Variants in VIPR1 observed in about 807,000 individuals in gnomAD.
The protein encoded by VIPR1 is vasoactive intestinal peptide receptor 1, also known as vasoactive intestinal polypeptide receptor 1.
A neutral mutation model predicts 58.8 loss-of-function variants in VIPR1; 59 were observed. The observed-to-expected ratio is 1.00, with a 90% CI of 0.81 to 1.25. VIPR1 has a LOEUF of 1.25. Ranked by LOEUF, VIPR1 falls within the 50% of genes most tolerant of loss-of-function variation. VIPR1 has a pLI of 0.00. For synonymous variants in VIPR1, 251 were observed against 242.1 expected (o/e 1.04, Z -0.34); for missense variants, 626 against 602.7 (o/e 1.04, Z -0.40).
rs765833939 is a variant in VIPR1, at chr3:42,536,812, A to G, written c.*531A>G. 1 of 152,524 alleles carries G rather than the reference A, an allele frequency of 6.6e-6. No homozygotes were observed. The highest frequency in any genetic ancestry group is 1.5e-5 in the Non-Finnish European group (1 of 68,288). 9.4% of individuals were successfully genotyped at this position (152,524 alleles called of 1,614,324 possible). A position where few individuals can be genotyped will look rare whatever the true frequency, so the allele number is the denominator to read the frequency against. On this transcript the variant is annotated 3_prime_UTR_variant, in exon 13 of 13. Transcript: ENST00000325123. The stretch of plus-strand genomic sequence containing the variant: ...GACTGAAGATGCAGCTCACTACCCT[A>G]TTCTCTCTTTACGCTTAGTTATCAG...
At chr3:42,532,086 C>G in intron 9 of VIPR1, 156 bp from the exon 10 acceptor site, 1 of 909,834 alleles carries the variant, frequency 1.1e-6, no homozygotes, top group Non-Finnish European at 1.7e-6. Flanking sequence ...AGGTAGAGTT[C>G]CCGGATGACC....
Position 42,519,240 on chromosome 3 carries a change from G to C in VIPR1, c.202G>C (p.Asp68His). The C allele has an allele frequency of 6.2e-7, 1 of 1,609,968 alleles. No homozygotes were observed. Among genetic ancestry groups the C allele is most frequent in the Non-Finnish European group, 8.5e-7 (1 of 1,178,202 alleles). ...NETIGCSKMW[D>H]NLTCWPATPR... ...CCCCATAGGCTGCAGCAAGATGTGG[G>C]ACAACCTCACCTGCTGGCCAGCCAC... is the stretch of plus-strand genomic sequence containing the variant. The change falls in exon 3 of 13, where the codon GAC becomes CAC. Residue 68 changes from aspartate to histidine, a missense_variant. Coordinates refer to ENST00000325123, the MANE Select transcript of VIPR1 (RefSeq NM_004624.4).
chr3:42,525,936 G>T lies in VIPR1; in HGVS notation c.342G>T (p.Glu114Asp). The change falls in exon 4 of 13, where the codon GAG becomes GAT. Residue 114 changes from glutamate to aspartate, a missense_variant. Glu to Asp is a conservative substitution (Grantham distance 45). Transcript: ENST00000325123. ...SCTDEGWTHL[E>D]PGPYPIACGL... ...CCGACGAAGGCTGGACGCACCTGGA[G>T]CCTGGCCCGTACCCCATTGCCTGTG... The T allele has an allele frequency of 2.5e-6, 4 of 1,613,712 alleles. No homozygotes were observed. Among genetic ancestry groups the T allele is most frequent in the Non-Finnish European group, 3.4e-6 (4 of 1,179,868 alleles).
Position 42,532,012 on chromosome 3 carries a change from CT to C in VIPR1, c.918+144del, listed in dbSNP as rs11311750. 1,552 of 1,002,282 alleles carry C rather than the reference CT, an allele frequency of 1.5e-3. 12 individuals are homozygous for C. In the African/African-American group the frequency reaches 0.02, roughly 13 times the overall value. The allele number at this position is 1,002,282 out of a possible 1,614,324, so 62.1% of individuals were successfully genotyped here. ...GCCCAATGCAGGATCATCCCCACCC[CT>C]GTCCTACCAGTTCTTCCTTGAGCGT... On this transcript the variant is annotated intron_variant, in intron 9 of 12. Transcript: ENST00000325123.
chr3:42,502,629 A>T, upstream of VIPR1: 2 of 880,368 alleles, frequency 2.3e-6, no homozygotes, highest in Non-Finnish European at 3.0e-6. Context: ...CTCTGGGGCC[A>T]CAGCGCCAGC....
At chr3:42,514,802 G>A (rs1313616438) in intron 2 of VIPR1, among the ~76,000 whole-genome samples, 1 of 152,164 alleles carries the variant, frequency 6.6e-6, no homozygotes, top group Admixed American at 6.5e-5. Context: ...TACCAAGACT[G>A]GACAGCAGGG....
intron 1 of VIPR1, among the ~76,000 whole-genome samples, chr3:42,505,118 G>T (rs1346222420): frequency 1.3e-5 from 2 of 152,040 alleles, no homozygotes; most frequent in Non-Finnish European, 2.9e-5. Context: ...TTCTCTATCT[G>T]GTGTGGGAGA....
Position 42,505,841 on chromosome 3 carries a change from G to A in VIPR1, c.78+3028G>A, listed in dbSNP as rs191940416. Among the ~76,000 whole-genome samples, 11 of 152,294 alleles carry A rather than the reference G, an allele frequency of 7.2e-5. No homozygotes were observed. The East Asian group carries it at 1.9e-3, about 27-fold the overall frequency. ...ACAAAAGGGAAGGTGAGAGGCCTCC[G>A]CCCAGTGTGCAGGAGAAGTGGGAGG... is the stretch of plus-strand genomic sequence containing the variant. On this transcript the variant is annotated intron_variant, in intron 1 of 12. Transcript: ENST00000325123.
At chr3:42,514,069 C>T (rs1301988848) in intron 2 of VIPR1, among the ~76,000 whole-genome samples, 1 of 152,174 alleles carries the variant, frequency 6.6e-6, no homozygotes, top group Non-Finnish European at 1.5e-5. Context: ...GGAGGACATA[C>T]TAAATTGGGG....
intron 4 of VIPR1, among the ~76,000 whole-genome samples, chr3:42,526,821 C>T (rs1345382661): frequency 6.6e-6 from 1 of 152,168 alleles, no homozygotes; most frequent in South Asian, 2.1e-4. Flanking sequence ...GGGGACCAAG[C>T]GAGACACCCT....
intron 2 of VIPR1, among the ~76,000 whole-genome samples, chr3:42,515,550 A>G (rs1004963506): frequency 6.6e-6 from 1 of 152,216 alleles, no homozygotes; most frequent in Admixed American, 6.5e-5. Context: ...CGTGATTCCA[A>G]TGAGGTCACT....
rs1700501817 is a variant in VIPR1, at chr3:42,514,111, C to T, written c.184+257C>T. ...AAAGTACATGGAGCCAACTCTGCCT[C>T]TGGGGGTCCCTATCCCTCTTCTCCA... On this transcript the variant is annotated intron_variant, in intron 2 of 12. Transcript: ENST00000325123. 2.0e-5 allele frequency among the ~76,000 whole-genome samples: 3 copies of T among 152,118 alleles called. No homozygotes were observed. In the South Asian group the frequency reaches 6.2e-4, roughly 31 times the overall value.
At chr3:42,516,181 A>AGGGCACAGCCCCACCTGTGGGC (rs1297929403) in intron 2 of VIPR1, among the ~76,000 whole-genome samples, 1 of 152,148 alleles carries the variant, frequency 6.6e-6, no homozygotes, top group Non-Finnish European at 1.5e-5. Context: ...TTTCCTGCTG[A>AGGGCACAGCCCCACCTGTGGGC]GGGCACAGCC....
At chr3:42,521,248 A>G (rs912235955) in intron 3 of VIPR1, 1 of 152,168 alleles carries the variant, frequency 6.6e-6, no homozygotes, top group African/African-American at 2.4e-5. Flanking sequence ...AGAAAAAGGC[A>G]GTCCTTCCTC....
At chr3:42,512,645 G>A (rs534411552) in intron 1 of VIPR1, 1 of 767,136 alleles carries the variant, frequency 1.3e-6, no homozygotes, top group Admixed American at 6.2e-5. Context: ...CCCTGTCCCA[G>A]GGTGGGAGGG....
intron 3 of VIPR1, among the ~76,000 whole-genome samples, chr3:42,525,545 C>T (rs768410667): frequency 3.0e-4 from 46 of 152,158 alleles, no homozygotes; most frequent in Admixed American, 2.0e-3. Flanking sequence ...ATTCTGCTCA[C>T]GGCAAGGGTC....
At chr3:42,495,554 C>A (rs1326959425) in intron 1 of VIPR1, among the ~76,000 whole-genome samples, 2 of 152,136 alleles carry the variant, frequency 1.3e-5, no homozygotes, top group Non-Finnish European at 2.9e-5. Flanking sequence ...CCTGTATAAT[C>A]CCCTCCCTGT....
At chr3:42,529,749 G>A (rs1335679168) in intron 6 of VIPR1, 1 of 152,222 alleles carries the variant, frequency 6.6e-6, no homozygotes, top group Non-Finnish European at 1.5e-5. Context: ...ATCTAGGCTT[G>A]ATCTGAAATG....
chr3:42,528,566 T>TG (rs3836499), intron 6 of VIPR1: 54,071 of 184,286 alleles, frequency 0.29, 8,187 homozygotes, highest in Middle Eastern at 0.43. Flanking sequence ...CTTTTCCTAC[T>TG]CCCCCCGTCC....
Sources: gnomAD v4.1 joint callset for allele counts (sites outside exome capture counted in the v4.1 genomes callset) on GRCh38, gnomAD v4.1.1 for gene constraint, MANE v1.5 for transcripts, NCBI Gene and HGNC (gene_info 2026-07-23, HGNC 2026-07-21) for gene names.